The following IFT80 variants were observed in gnomAD, a reference collection of about 807,000 sequenced individuals.
IFT80 encodes intraflagellar transport protein 80 homolog.
A neutral mutation model predicts 107.9 loss-of-function variants in IFT80; 79 were observed. The observed-to-expected ratio is 0.73, with a 90% CI of 0.61 to 0.88. IFT80 has a LOEUF of 0.88. Ranked by LOEUF, IFT80 falls within the 40% of genes least tolerant of loss-of-function variation. The pLI is 0.00. For missense variants in IFT80, 797 were observed against 914.2 expected (o/e 0.87, Z 1.65); for synonymous variants, 299 against 300.9 (o/e 0.99, Z 0.07).
chr3:160,362,305 T>C (rs1263099366), intron 6 of IFT80, among the ~76,000 whole-genome samples: 1 of 152,126 alleles, frequency 6.6e-6, no homozygotes, highest in East Asian at 1.9e-4. Context: ...TGGACACATA[T>C]GCCCTCCCAA....
At chr3:160,352,540 C>G (rs546983737) in intron 8 of IFT80, among the ~76,000 whole-genome samples, 15 of 152,252 alleles carry the variant, frequency 9.9e-5, no homozygotes, top group African/African-American at 3.6e-4. Flanking sequence ...CCTCTGAGGA[C>G]AGCCTGCATA....
intron 8 of IFT80, among the ~76,000 whole-genome samples, chr3:160,352,631 G>A (rs1412681099): frequency 1.3e-5 from 2 of 152,118 alleles, no homozygotes; most frequent in Non-Finnish European, 2.9e-5. Flanking sequence ...ATTGCAAATA[G>A]TGCCCAAGAA....
chr3:160,395,312 T>C (rs2108426641), intron 1 of IFT80, among the ~76,000 whole-genome samples: 1 of 152,342 alleles, frequency 6.6e-6, no homozygotes, highest in African/African-American at 2.4e-5. Flanking sequence ...GTTATGATGA[T>C]TAAATGAGAT....
chr3:160,372,796 T>C (rs944143599), intron 5 of IFT80, among the ~76,000 whole-genome samples: 1 of 152,222 alleles, frequency 6.6e-6, no homozygotes, highest in Non-Finnish European at 1.5e-5. Flanking sequence ...TGATGGGTAA[T>C]ATCATTACAT....
intron 18 of IFT80, among the ~76,000 whole-genome samples, chr3:160,273,221 C>A (rs1713962074): frequency 6.6e-6 from 1 of 152,196 alleles, no homozygotes; most frequent in East Asian, 1.9e-4. Flanking sequence ...TGAATATTTG[C>A]AGTCCTTTCT....
intron 8 of IFT80, among the ~76,000 whole-genome samples, chr3:160,325,124 T>C (rs947107646): frequency 6.6e-6 from 1 of 151,388 alleles, no homozygotes; most frequent in Admixed American, 6.6e-5. Context: ...CTCAATGAAA[T>C]AAAAGAGGAT....
At chr3:160,328,031 GAA>G (rs1718799959) in intron 8 of IFT80, among the ~76,000 whole-genome samples, 1 of 152,124 alleles carries the variant, frequency 6.6e-6, no homozygotes, top group Non-Finnish European at 1.5e-5. Context: ...CAAAGGACAT[GAA>G]AAGATGTCTT....
At chr3:160,314,717 A>G (rs1717663670) in intron 9 of IFT80, among the ~76,000 whole-genome samples, 1 of 152,198 alleles carries the variant, frequency 6.6e-6, no homozygotes, top group Non-Finnish European at 1.5e-5. Context: ...TTGCAACAAA[A>G]GTGGGCTGTT....
At chr3:160,354,447 A>C (rs1334710741) in intron 8 of IFT80, among the ~76,000 whole-genome samples, 1 of 152,052 alleles carries the variant, frequency 6.6e-6, no homozygotes, top group Non-Finnish European at 1.5e-5. Context: ...CAGGAGATCG[A>C]GACCATCCTG....
chr3:160,322,837 T>C (rs1056713157), intron 8 of IFT80, among the ~76,000 whole-genome samples: 17 of 152,310 alleles, frequency 1.1e-4, no homozygotes, highest in African/African-American at 3.6e-4. Flanking sequence ...ATGTCTTCTT[T>C]TGAGAAGTGT....
intron 19 of IFT80, among the ~76,000 whole-genome samples, chr3:160,259,056 C>T (rs1456353202): frequency 3.3e-5 from 5 of 151,978 alleles, no homozygotes; most frequent in Admixed American, 6.6e-5. Flanking sequence ...TGCAGTGAGC[C>T]GTGATTGCAC....
At chr3:160,323,659 G>A (rs1163381900) in intron 8 of IFT80, among the ~76,000 whole-genome samples, 1 of 151,834 alleles carries the variant, frequency 6.6e-6, no homozygotes, top group Non-Finnish European at 1.5e-5. Flanking sequence ...AGCACTAAAT[G>A]TCCACAAGAG....
At chr3:160,374,533 G>A (rs890639446) in intron 5 of IFT80, among the ~76,000 whole-genome samples, 2 of 152,262 alleles carry the variant, frequency 1.3e-5, no homozygotes, top group African/African-American at 4.8e-5. Context: ...AGAAGAAAGA[G>A]AAAAGAAAGG....
intron 1 of IFT80, among the ~76,000 whole-genome samples, chr3:160,392,238 TAGGC>T (rs766729868): frequency 1.3e-5 from 2 of 152,236 alleles, no homozygotes; most frequent in Non-Finnish European, 2.9e-5. Flanking sequence ...CCTTAAATGG[TAGGC>T]TCAGTCCTTG....
intron 3 of IFT80, among the ~76,000 whole-genome samples, chr3:160,378,381 T>C (rs1712205567): frequency 6.6e-6 from 1 of 152,176 alleles, no homozygotes; most frequent in Non-Finnish European, 1.5e-5. Context: ...CATATGTCTA[T>C]TATGTTATTT....
chr3:160,339,353 A>G lies in IFT80; in HGVS notation c.777+16660T>C, dbSNP rs1719720972. Among the ~76,000 whole-genome samples, 3 of 152,234 alleles carry G rather than the reference A, an allele frequency of 2.0e-5. No individual in the cohort carries two copies. In the South Asian group the frequency reaches 6.2e-4, roughly 31 times the overall value. ...CAATACCAAAATGTAAAAAATGTCC[A>G]AAGACAAAAACTTGGAAGGTAGACA... On this transcript the variant is annotated intron_variant, in intron 8 of 19. Coordinates refer to ENST00000326448, the MANE Select transcript of IFT80 (RefSeq NM_020800.3).
At chr3:160,385,633 C>G (rs1244839159) in intron 1 of IFT80, among the ~76,000 whole-genome samples, 1 of 152,206 alleles carries the variant, frequency 6.6e-6, no homozygotes. Flanking sequence ...TCTTTCTCTT[C>G]CAGTTCTCTT....
At chr3:160,320,063 T>C (rs527834411) in intron 8 of IFT80, 124 bp from the exon 9 acceptor site, 1 of 706,238 alleles carries the variant, frequency 1.4e-6, no homozygotes, top group Non-Finnish European at 2.4e-6. Flanking sequence ...GGAATTATTA[T>C]TTTTCTTAAT....
At chr3:160,307,270 C>A (rs1716896505) in intron 10 of IFT80, among the ~76,000 whole-genome samples, 1 of 152,126 alleles carries the variant, frequency 6.6e-6, no homozygotes. Flanking sequence ...GTACCAGCCT[C>A]CTGAGAAGTT....
Sources: allele counts gnomAD v4.1 joint callset (sites outside exome capture counted in the v4.1 genomes callset), GRCh38; gene constraint gnomAD v4.1.1; transcripts MANE v1.5; gene names NCBI Gene and HGNC (gene_info 2026-07-23, HGNC 2026-07-21).